The following ADAMTSL1 variants were observed in gnomAD, a reference collection of about 807,000 sequenced individuals.
The protein encoded by ADAMTSL1 is ADAMTS like 1, also known as ADAMTS-like protein 1.
In ADAMTSL1, 126 loss-of-function variants were observed where a neutral mutation model predicts 201.8. The ratio of observed to expected loss-of-function variants is 0.62; its 90% CI spans 0.54 to 0.72. The LOEUF is 0.72. Ranked by LOEUF, ADAMTSL1 falls within the 30% of genes least tolerant of loss-of-function variation. The probability of loss-of-function intolerance (pLI) is 0.00; values close to 1 mark genes in which losing one functional copy is unlikely to be tolerated. For synonymous variants in ADAMTSL1, 1,121 were observed against 903.4 expected, an observed-to-expected ratio of 1.24 and a Z score of -4.32; for missense variants, 2,679 against 2,277.8, an observed-to-expected ratio of 1.18 and a Z score of -3.59.
At chr9:18,020,083 C>G (rs113680253) in intron 1 of ADAMTSL1, among the ~76,000 whole-genome samples, 67 of 152,060 alleles carry the variant, frequency 4.4e-4, no homozygotes, top group African/African-American at 1.6e-3. Flanking sequence ...GTTTAGTTTC[C>G]GAAGTCTACA....
chr9:18,162,865 C>A (rs1415556561), intron 1 of ADAMTSL1, among the ~76,000 whole-genome samples: 2 of 151,780 alleles, frequency 1.3e-5, no homozygotes, highest in African/African-American at 2.4e-5. Flanking sequence ...TTTACTTGTT[C>A]CTTGAGCAGA....
chr9:18,565,407 C>T (rs1821817636), intron 3 of ADAMTSL1, among the ~76,000 whole-genome samples: 1 of 152,070 alleles, frequency 6.6e-6, no homozygotes, highest in South Asian at 2.1e-4. Flanking sequence ...ACACTCATTT[C>T]CCTTGAATAT....
intron 22 of ADAMTSL1, among the ~76,000 whole-genome samples, chr9:18,828,724 T>TAC (rs1195065400): frequency 7.5e-6 from 1 of 134,056 alleles, no homozygotes; most frequent in Non-Finnish European, 1.6e-5. Context: ...TATATATATG[T>TAC]ACACACACAC....
In ADAMTSL1 at chr9:18,442,079, C is replaced by T. The variant is rs117254520; in HGVS notation, c.208-62750C>T. ...AGAGCAGGTGGCTTTTTGTTATTAC[C>T]TTGTGTATTAAAAGTTTCCTGTCCT... On this transcript the variant is annotated intron_variant, in intron 2 of 29. Coordinates refer to the ADAMTSL1 transcript ENST00000680146. Among the ~76,000 whole-genome samples the T allele has an allele frequency of 4.2e-3, 634 of 152,190 alleles. 1 individual carries two copies. The highest frequency in any genetic ancestry group is 7.1e-3 in the Non-Finnish European group (485 of 67,994).
chr9:18,386,210 G>A (rs1837783726), intron 2 of ADAMTSL1, among the ~76,000 whole-genome samples: 1 of 152,142 alleles, frequency 6.6e-6, no homozygotes, highest in Non-Finnish European at 1.5e-5. Flanking sequence ...AAACGAACTT[G>A]AAAATATACT....
chr9:18,393,846 G>A (rs1388407016), intron 2 of ADAMTSL1, among the ~76,000 whole-genome samples: 1 of 152,156 alleles, frequency 6.6e-6, no homozygotes, highest in African/African-American at 2.4e-5. Context: ...TGAAGGCAGA[G>A]AAAACAAAGC....
intron 3 of ADAMTSL1, among the ~76,000 whole-genome samples, chr9:18,551,146 G>T (rs1378802474): frequency 6.6e-6 from 1 of 151,810 alleles, no homozygotes; most frequent in Non-Finnish European, 1.5e-5. Context: ...CAAAGTGGTG[G>T]TTTCAATCCA....
intron 9 of ADAMTSL1, among the ~76,000 whole-genome samples, chr9:18,670,840 C>T (rs1370617157): frequency 6.6e-6 from 1 of 152,138 alleles, no homozygotes; most frequent in Non-Finnish European, 1.5e-5. Flanking sequence ...CCTCAGTATC[C>T]ATGGGGGATT....
intron 15 of ADAMTSL1, among the ~76,000 whole-genome samples, chr9:18,739,107 C>T (rs1009789804): frequency 1.3e-5 from 2 of 152,110 alleles, no homozygotes; most frequent in Non-Finnish European, 2.9e-5. Context: ...CTTAGGGTTG[C>T]CATGAGGATT....
intron 1 of ADAMTSL1, among the ~76,000 whole-genome samples, chr9:18,084,759 G>A (rs1210293254): frequency 7.9e-6 from 1 of 126,040 alleles, no homozygotes; most frequent in African/African-American, 3.0e-5. Context: ...ACACATTCTA[G>A]GTGCTGGAGA....
At chr9:18,465,577 C>G (rs577653205) in intron 2 of ADAMTSL1, among the ~76,000 whole-genome samples, 1 of 152,294 alleles carries the variant, frequency 6.6e-6, no homozygotes, top group South Asian at 2.1e-4. Context: ...ATTACACCCA[C>G]TTGCTCCACT....
At chr9:18,713,701 G>A (rs1217367904) in intron 14 of ADAMTSL1, among the ~76,000 whole-genome samples, 3 of 149,252 alleles carry the variant, frequency 2.0e-5, no homozygotes, top group Non-Finnish European at 4.5e-5. Flanking sequence ...AAGACAGAAA[G>A]TCGACAAGGA....
At position 17,949,981 on chromosome 9, in the gene ADAMTSL1, T is replaced by C. The variant is rs556126062; in HGVS notation, c.87+43059T>C. The stretch of plus-strand genomic sequence containing the variant: ...TCACCCAGGCTGGAGTGCAATGGCC[T>C]GATCTTGGCTCACTGCAACCTCTGT... On this transcript the variant is annotated intron_variant, in intron 1 of 29. Transcript: ENST00000680146. 5.9e-5 allele frequency among the ~76,000 whole-genome samples: 9 copies of C among 152,248 alleles called. No individual in the cohort carries two copies. In the East Asian group the frequency reaches 1.7e-3, roughly 29 times the overall value.
chr9:18,587,487 G>A (rs767577759), intron 4 of ADAMTSL1, among the ~76,000 whole-genome samples: 98 of 151,950 alleles, frequency 6.4e-4, no homozygotes, highest in Non-Finnish European at 1.2e-3. Context: ...CTTTGTATGG[G>A]GAGCATTACA....
At chr9:18,308,371 C>T (rs144302212) in intron 2 of ADAMTSL1, among the ~76,000 whole-genome samples, 10,425 of 151,900 alleles carry the variant, frequency 0.069, 1,163 homozygotes, top group African/African-American at 0.24. Context: ...GATAGAGACA[C>T]GAAAAACCCT....
intron 23 of ADAMTSL1, among the ~76,000 whole-genome samples, chr9:18,853,919 G>GTGTGTGTGTGTGCA (rs1554648756): frequency 4.0e-5 from 2 of 49,888 alleles, no homozygotes; most frequent in South Asian, 7.9e-4. Flanking sequence ...GTGTGTGTGT[G>GTGTGTGTGTGTGCA]CGCGTGCATG....
At chr9:18,119,091 T>A (rs1324594606) in intron 1 of ADAMTSL1, among the ~76,000 whole-genome samples, 3 of 152,162 alleles carry the variant, frequency 2.0e-5, no homozygotes, top group Admixed American at 6.5e-5. Flanking sequence ...ATGGGAATAA[T>A]CATTGTATCC....
intron 3 of ADAMTSL1, among the ~76,000 whole-genome samples, chr9:18,563,536 C>T (rs979094526): frequency 3.3e-5 from 5 of 152,328 alleles, no homozygotes; most frequent in African/African-American, 9.6e-5. Context: ...AGAGCTCTAG[C>T]GCTGTGCTGG....
At chr9:18,797,189 C>T (rs1822476009) in intron 20 of ADAMTSL1, among the ~76,000 whole-genome samples, 1 of 152,184 alleles carries the variant, frequency 6.6e-6, no homozygotes, top group Admixed American at 6.5e-5. Flanking sequence ...CTACAGACAC[C>T]ACACCCAGGG....
Sources: allele counts gnomAD v4.1 joint callset (sites outside exome capture counted in the v4.1 genomes callset), GRCh38; gene constraint gnomAD v4.1.1; transcripts MANE v1.5; gene names NCBI Gene and HGNC (gene_info 2026-07-23, HGNC 2026-07-21).